The following ATF7IP variants were observed in gnomAD, a reference collection of about 807,000 sequenced individuals.
ATF7IP encodes activating transcription factor 7 interacting protein.
In ATF7IP, 23 loss-of-function variants were observed where a neutral mutation model predicts 106.4. That is an observed-to-expected ratio of 0.22 (90% CI 0.16 to 0.31). The LOEUF (loss-of-function observed/expected upper bound fraction) is 0.31, where lower values mean the gene tolerates loss of function less well. Ranked by LOEUF, ATF7IP falls within the 10% of genes least tolerant of loss-of-function variation. ATF7IP has a pLI of 1.00. For synonymous variants in ATF7IP, 542 were observed against 539.0 expected, an observed-to-expected ratio of 1.01 and a Z score of -0.08; for missense variants, 1,334 against 1,524.3, an observed-to-expected ratio of 0.88 and a Z score of 2.08.
chr12:14,448,365 G>A (rs1057161392), intron 6 of ATF7IP, among the ~76,000 whole-genome samples: 1 of 152,048 alleles, frequency 6.6e-6, no homozygotes, highest in Non-Finnish European at 1.5e-5. Context: ...GTTTCTACCA[G>A]TTTTTACATG....
intron 1 of ATF7IP, among the ~76,000 whole-genome samples, chr12:14,386,562 A>C (rs1432982057): frequency 2.6e-5 from 4 of 152,142 alleles, no homozygotes; most frequent in Non-Finnish European, 4.4e-5. Context: ...GAGGATTCCA[A>C]TATATAAAAG....
intron 1 of ATF7IP, among the ~76,000 whole-genome samples, chr12:14,386,853 G>T (rs895577709): frequency 6.6e-6 from 1 of 152,226 alleles, no homozygotes; most frequent in East Asian, 1.9e-4. Flanking sequence ...TCTAGAATGT[G>T]TCTTCGTTAT....
At chr12:14,405,786 T>C (rs1183166399) in intron 1 of ATF7IP, among the ~76,000 whole-genome samples, 3 of 152,122 alleles carry the variant, frequency 2.0e-5, no homozygotes, top group Admixed American at 6.5e-5. Context: ...AGGAATAAGA[T>C]AGAGATCCAG....
At chr12:14,406,999 C>G (rs148754190) in intron 1 of ATF7IP, among the ~76,000 whole-genome samples, 2 of 152,304 alleles carry the variant, frequency 1.3e-5, no homozygotes, top group East Asian at 3.9e-4. Flanking sequence ...TTTTACCCTT[C>G]CTCCAATGGA....
At chr12:14,464,100 C>T (rs1943739128) in intron 9 of ATF7IP, among the ~76,000 whole-genome samples, 1 of 152,158 alleles carries the variant, frequency 6.6e-6, no homozygotes, top group African/African-American at 2.4e-5. Context: ...ATGGCTTGAG[C>T]TCAGGAGCTC....
intron 2 of ATF7IP, among the ~76,000 whole-genome samples, chr12:14,427,668 C>CT (rs918240846): frequency 5.3e-5 from 8 of 152,090 alleles, no homozygotes; most frequent in African/African-American, 1.9e-4. Context: ...CTGGCCAAGT[C>CT]TAATTCCTTT....
intron 6 of ATF7IP, among the ~76,000 whole-genome samples, chr12:14,450,377 A>C (rs1391387679): frequency 6.6e-6 from 1 of 152,016 alleles, no homozygotes; most frequent in Non-Finnish European, 1.5e-5. Context: ...ATTTTTTTCC[A>C]TGAAAGGGTG....
intron 11 of ATF7IP, among the ~76,000 whole-genome samples, chr12:14,477,831 G>A (rs554569894): frequency 6.6e-6 from 1 of 152,260 alleles, no homozygotes; most frequent in Admixed American, 6.5e-5. Context: ...GGCTATTGAA[G>A]ACCTTTTTTG....
chr12:14,437,989 C>T, intron 4 of ATF7IP, 141 bp from the exon 5 acceptor site: 1 of 654,304 alleles, frequency 1.5e-6, no homozygotes. Context: ...GGAGGCGGAG[C>T]TTGCAGTGAG....
At chr12:14,494,932 CAAAAA>C (rs34929652) in intron 13 of ATF7IP, among the ~76,000 whole-genome samples, 2 of 79,138 alleles carry the variant, frequency 2.5e-5, no homozygotes, top group African/African-American at 4.9e-5. Context: ...GACTCTGTCT[CAAAAA>C]AAAAAAAAAA....
intron 10 of ATF7IP, among the ~76,000 whole-genome samples, chr12:14,475,224 T>C (rs980527754): frequency 6.6e-6 from 1 of 152,166 alleles, no homozygotes; most frequent in African/African-American, 2.4e-5. Context: ...TATTGGAAAT[T>C]GAGATAATTA....
At chr12:14,417,957 G>A (rs1184239682) in intron 1 of ATF7IP, among the ~76,000 whole-genome samples, 1 of 152,108 alleles carries the variant, frequency 6.6e-6, no homozygotes, top group Non-Finnish European at 1.5e-5. Context: ...AGCTTTTTGA[G>A]CAGGCAGATT....
intron 1 of ATF7IP, among the ~76,000 whole-genome samples, chr12:14,421,349 T>C (rs1941495649): frequency 1.3e-5 from 2 of 152,222 alleles, no homozygotes; most frequent in Admixed American, 1.3e-4. Context: ...GTGGTTTTCT[T>C]TTTTGCTTAA....
chr12:14,435,252 C>T (rs1180829342), intron 3 of ATF7IP, among the ~76,000 whole-genome samples: 1 of 152,106 alleles, frequency 6.6e-6, no homozygotes, highest in Non-Finnish European at 1.5e-5. Flanking sequence ...GACTAGAAGT[C>T]AGGAAAGCTG....
intron 1 of ATF7IP, among the ~76,000 whole-genome samples, chr12:14,376,894 C>A (rs1269606338): frequency 6.6e-6 from 1 of 151,954 alleles, no homozygotes; most frequent in Non-Finnish European, 1.5e-5. Flanking sequence ...CCACTACACT[C>A]CAGCGTGGGT....
intron 13 of ATF7IP, among the ~76,000 whole-genome samples, chr12:14,487,417 G>T (rs534168713): frequency 1.4e-4 from 21 of 152,222 alleles, no homozygotes; most frequent in East Asian, 1.2e-3. Flanking sequence ...GTGTTTGGAG[G>T]GGCTCCTGAG....
chr12:14,410,251 A>T (rs1486533957), intron 1 of ATF7IP, among the ~76,000 whole-genome samples: 1 of 152,116 alleles, frequency 6.6e-6, no homozygotes, highest in East Asian at 1.9e-4. Flanking sequence ...AAGTGGAAAA[A>T]TTTCAGAAAT....
Position 14,436,270 on chromosome 12 carries a change from G to A in ATF7IP, c.1791+19G>A. On this transcript the variant is annotated intron_variant, in intron 4 of 14. Transcript: ENST00000261168. ...TCAAAAGGTATTGTGTCAATTATAA[G>A]TTATAAACCATATTGAATAAATAGC... 3 of 1,599,280 alleles carry A rather than the reference G, an allele frequency of 1.9e-6. No homozygotes were observed. Among genetic ancestry groups the A allele is most frequent in the Non-Finnish European group, 2.6e-6 (3 of 1,171,732 alleles).
chr12:14,425,208 G>A lies in ATF7IP; in HGVS notation c.1293G>A (p.Glu431=). 1 of 1,595,666 alleles carries A rather than the reference G, an allele frequency of 6.3e-7. No homozygotes were observed. Among genetic ancestry groups the A allele is most frequent in the South Asian group, 1.1e-5 (1 of 87,068 alleles). ...ENILENTDSM[E]TDEIIPILEK... ...TCTTAGAAAATACAGACTCTATGGAGACAGATGAAATCATTCCTATTTTGG... is the reference window on the plus strand; with the variant it reads ...TCTTAGAAAATACAGACTCTATGGAAACAGATGAAATCATTCCTATTTTGG... Residue 431 remains glutamate, a synonymous_variant, in exon 2 of 15, where the codon GAG becomes GAA. Transcript: ENST00000261168.
Sources: allele counts gnomAD v4.1 joint callset (sites outside exome capture counted in the v4.1 genomes callset), GRCh38; gene constraint gnomAD v4.1.1; transcripts MANE v1.5; gene names NCBI Gene and HGNC (gene_info 2026-07-23, HGNC 2026-07-21).